The following ITGB6 variants were observed in gnomAD, a reference collection of about 807,000 sequenced individuals.
ITGB6 encodes the protein integrin subunit beta 6.
A neutral mutation model predicts 84.5 loss-of-function variants in ITGB6; 80 were observed. The ratio of observed to expected loss-of-function variants is 0.95; its 90% CI spans 0.79 to 1.14. ITGB6 has a LOEUF of 1.14. Ranked by LOEUF, ITGB6 falls within the 50% of genes most tolerant of loss-of-function variation. The probability of loss-of-function intolerance (pLI) is 0.00; values close to 1 mark genes in which losing one functional copy is unlikely to be tolerated. For synonymous variants in ITGB6, 383 were observed against 354.9 expected, an observed-to-expected ratio of 1.08 and a Z score of -0.89; for missense variants, 1,006 against 968.0, an observed-to-expected ratio of 1.04 and a Z score of -0.52.
At chr2:160,119,046 C>G (rs146596903) in intron 12 of ITGB6, among the ~76,000 whole-genome samples, 1 of 151,838 alleles carries the variant, frequency 6.6e-6, no homozygotes, top group African/African-American at 2.4e-5. Flanking sequence ...ACATTCCATG[C>G]TCATGGGTAG....
At position 160,137,869 on chromosome 2, in the gene ITGB6, A is replaced by G. The variant is rs1196908787; in HGVS notation, c.1243-18T>C. On this transcript the variant is annotated intron_variant, in intron 9 of 14. Coordinates refer to ENST00000283249, the MANE Select transcript of ITGB6 (RefSeq NM_000888.5). ...AAGGAAGCCTGGAAAAGAAAATACT[A>G]ATTATCTCCCTCCATCCACCAAAAT... 1 of 1,608,756 alleles carries G rather than the reference A, an allele frequency of 6.2e-7. No individual in the cohort carries two copies. The highest frequency in any genetic ancestry group is 1.3e-5 in the African/African-American group (1 of 74,910).
chr2:160,119,290 A>C (rs568491130), intron 12 of ITGB6, among the ~76,000 whole-genome samples: 2 of 152,214 alleles, frequency 1.3e-5, no homozygotes, highest in African/African-American at 4.8e-5. Context: ...AGTAACCAAA[A>C]CAGCATGGTA....
intron 12 of ITGB6, among the ~76,000 whole-genome samples, chr2:160,116,126 G>C (rs1176669883): frequency 6.8e-6 from 1 of 147,738 alleles, no homozygotes; most frequent in African/African-American, 2.5e-5. Flanking sequence ...AATCTAGCAA[G>C]GCAGGCCAAC....
At chr2:160,147,345 T>A (rs918484896) in intron 7 of ITGB6, among the ~76,000 whole-genome samples, 4 of 152,034 alleles carry the variant, frequency 2.6e-5, no homozygotes, top group Non-Finnish European at 5.9e-5. Context: ...AAGAATATCT[T>A]AAGTAGGATA....
intron 12 of ITGB6, among the ~76,000 whole-genome samples, chr2:160,120,474 A>G (rs1210521480): frequency 5.2e-5 from 2 of 38,392 alleles, no homozygotes; most frequent in Non-Finnish European, 1.0e-4. Context: ...CAATGAGATC[A>G]CTTGGACACA....
chr2:160,108,753 G>A (rs1218007846), intron 13 of ITGB6, among the ~76,000 whole-genome samples: 1 of 152,100 alleles, frequency 6.6e-6, no homozygotes, highest in Non-Finnish European at 1.5e-5. Context: ...ATGTTCTGTA[G>A]GGTACTTTCA....
Position 160,123,806 on chromosome 2 carries a change from T to C in ITGB6, c.1966A>G (p.Ile656Val). The change falls in exon 12 of 15, where the codon ATC becomes GTC. Residue 656 changes from isoleucine (I) to valine (V), a missense_variant. Physicochemically the swap from Ile to Val is conservative, Grantham distance 29. Coordinates refer to ENST00000283249, the MANE Select transcript of ITGB6 (RefSeq NM_000888.5). The part of the protein sequence containing the change: ...VDKCKLAGAT[I>V]SEEEDFSKDG... ...CAAGCAGAACCTTCTTCTTCACTGA[T>C]GGTCGCACCAGCTAGTTTGCACTTG... The C allele has an allele frequency of 6.2e-7, 1 of 1,613,760 alleles. No individual in the cohort carries two copies. Among genetic ancestry groups the C allele is most frequent in the Non-Finnish European group, 8.5e-7 (1 of 1,179,700 alleles).
chr2:160,106,753 A>G (rs1308229986), intron 14 of ITGB6, among the ~76,000 whole-genome samples: 2 of 152,200 alleles, frequency 1.3e-5, no homozygotes, highest in Non-Finnish European at 2.9e-5. Context: ...ATCAAGATAA[A>G]TTTATCAAAA....
chr2:160,125,650 T>G (rs1683210172), intron 11 of ITGB6, among the ~76,000 whole-genome samples: 1 of 152,190 alleles, frequency 6.6e-6, no homozygotes, highest in Non-Finnish European at 1.5e-5. Flanking sequence ...TCAGAGTTCA[T>G]GAAAATCTGA....
intron 5 of ITGB6, 133 bp from the exon 6 acceptor site, chr2:160,172,863 G>A (rs1023611961): frequency 3.2e-5 from 19 of 600,026 alleles, no homozygotes; most frequent in African/African-American, 9.1e-5. Flanking sequence ...TTTATCTATC[G>A]TGAATTGATA....
chr2:160,111,806 C>T lies in ITGB6; in HGVS notation c.2101+274G>A, dbSNP rs185891803. On this transcript the variant is annotated intron_variant, in intron 13 of 14. Coordinates refer to ENST00000283249, the MANE Select transcript of ITGB6 (RefSeq NM_000888.5). ...TGTTGGCCAGGGTGGTCTCCAACTC[C>T]TGACCTCAAGTGACCCACCCTCCTC... Among the ~76,000 whole-genome samples, 346 of 152,160 alleles carry T rather than the reference C, an allele frequency of 2.3e-3. 1 individual carries two copies. Among genetic ancestry groups the T allele is most frequent in the African/African-American group, 7.8e-3 (325 of 41,504 alleles).
At chr2:160,185,857 A>C in intron 4 of ITGB6, among the ~76,000 whole-genome samples, 1 of 152,228 alleles carries the variant, frequency 6.6e-6, no homozygotes, top group Admixed American at 6.5e-5. Context: ...ATCTGACAAA[A>C]ACAAGCAATG....
chr2:160,192,590 C>T (rs10206615), intron 4 of ITGB6, among the ~76,000 whole-genome samples: 35,762 of 151,868 alleles, frequency 0.24, 8,443 homozygotes, highest in African/African-American at 0.59. Context: ...TACAACACAC[C>T]AACCATAAAA....
At chr2:160,157,344 G>C (rs1195780299) in intron 7 of ITGB6, among the ~76,000 whole-genome samples, 7 of 152,112 alleles carry the variant, frequency 4.6e-5, no homozygotes, top group Admixed American at 3.9e-4. Flanking sequence ...CTGCACTAGG[G>C]TTCTTTTGAT....
intron 8 of ITGB6, among the ~76,000 whole-genome samples, chr2:160,140,676 A>G (rs1389596733): frequency 6.6e-6 from 1 of 152,262 alleles, no homozygotes; most frequent in Non-Finnish European, 1.5e-5. Flanking sequence ...AATTTCAAGC[A>G]TGAGCTAATG....
At chr2:160,183,674 C>G (rs749929414) in intron 4 of ITGB6, among the ~76,000 whole-genome samples, 1 of 152,190 alleles carries the variant, frequency 6.6e-6, no homozygotes, top group Non-Finnish European at 1.5e-5. Flanking sequence ...CACCCCAAAT[C>G]GACAGAATAT....
intron 1 of ITGB6, 144 bp downstream of exon 1, chr2:160,199,859 G>T: frequency 1.5e-6 from 1 of 648,514 alleles, no homozygotes; most frequent in Non-Finnish European, 2.7e-6. Flanking sequence ...GTGTTTGTCT[G>T]TAATTTGTTA....
At chr2:160,193,619 A>G (rs1686224483) in intron 4 of ITGB6, among the ~76,000 whole-genome samples, 1 of 152,244 alleles carries the variant, frequency 6.6e-6, no homozygotes, top group Non-Finnish European at 1.5e-5. Context: ...TCAACTATAC[A>G]TTAAAAGGAG....
At chr2:160,164,170 T>C (rs192499068) in intron 7 of ITGB6, among the ~76,000 whole-genome samples, 80 of 152,314 alleles carry the variant, frequency 5.3e-4, no homozygotes, top group Non-Finnish European at 9.0e-4. Context: ...AATATTAGTT[T>C]ACAAGTCTGC....
Sources: allele counts gnomAD v4.1 joint callset (sites outside exome capture counted in the v4.1 genomes callset), GRCh38; gene constraint gnomAD v4.1.1; transcripts MANE v1.5; gene names NCBI Gene and HGNC (gene_info 2026-07-23, HGNC 2026-07-21).